The following ITPRID1 variants were observed in gnomAD, a reference collection of about 807,000 sequenced individuals.
ITPRID1 encodes the protein ITPR interacting domain containing 1.
A neutral mutation model predicts 95.4 loss-of-function variants in ITPRID1; 96 were observed. The observed-to-expected ratio is 1.01, with a 90% CI of 0.85 to 1.19. The LOEUF is 1.19. Ranked by LOEUF, ITPRID1 falls within the 50% of genes most tolerant of loss-of-function variation. ITPRID1 has a pLI of 0.00. For missense variants in ITPRID1, 1,339 were observed against 1,252.9 expected, an observed-to-expected ratio of 1.07 and a Z score of -1.04; for synonymous variants, 510 against 453.6, an observed-to-expected ratio of 1.12 and a Z score of -1.58.
intron 10 of ITPRID1, among the ~76,000 whole-genome samples, chr7:31,615,613 A>ATTCT (rs551411856): frequency 6.6e-6 from 1 of 152,092 alleles, no homozygotes. Flanking sequence ...TAAAATGGAG[A>ATTCT]TTCTTTGAGT....
At chr7:31,614,705 G>T (rs746956713) in intron 10 of ITPRID1, among the ~76,000 whole-genome samples, 2 of 147,400 alleles carry the variant, frequency 1.4e-5, no homozygotes, top group Non-Finnish European at 3.0e-5. Context: ...AGTGTAGAGC[G>T]TTGTGGCACA....
intron 10 of ITPRID1, among the ~76,000 whole-genome samples, chr7:31,585,833 TC>T (rs1178471649): frequency 1.3e-5 from 2 of 151,868 alleles, no homozygotes; most frequent in African/African-American, 4.8e-5. Context: ...GCATGACAAA[TC>T]TTTTTTTTTT....
At chr7:31,516,235 T>G (rs759912521) in intron 1 of ITPRID1, among the ~76,000 whole-genome samples, 5 of 152,208 alleles carry the variant, frequency 3.3e-5, no homozygotes, top group African/African-American at 4.8e-5. Context: ...GGATGTCTTA[T>G]TGCACATTTA....
intron 9 of ITPRID1, among the ~76,000 whole-genome samples, chr7:31,581,542 C>T (rs1291507894): frequency 6.6e-6 from 1 of 152,142 alleles, no homozygotes. Context: ...CTAGAAGTCA[C>T]ATGTGAGAAC....
At chr7:31,568,663 C>G (rs1160779761) in intron 5 of ITPRID1, among the ~76,000 whole-genome samples, 4 of 152,164 alleles carry the variant, frequency 2.6e-5, no homozygotes, top group African/African-American at 4.8e-5. Context: ...CTGAATAAGC[C>G]TCTCTGATAA....
rs568402288 is a variant in ITPRID1, at chr7:31,619,869, C to G, written c.1229-22307C>G. Among the ~76,000 whole-genome samples, 813 of 152,290 alleles carry G rather than the reference C, an allele frequency of 5.3e-3. 9 individuals carry two copies. Among genetic ancestry groups the G allele is most frequent in the African/African-American group, 0.019 (787 of 41,580 alleles). ...CTTTCCTAGTCAAAGAAAGGGGTGA[C>G]AGATGGCACCTGGAAAATCGGGTCA... On this transcript the variant is annotated intron_variant, in intron 10 of 14. Coordinates refer to ENST00000615280, the MANE Select transcript of ITPRID1 (RefSeq NM_001257967.3).
At chr7:31,616,091 C>G (rs571345957) in intron 10 of ITPRID1, among the ~76,000 whole-genome samples, 1 of 151,724 alleles carries the variant, frequency 6.6e-6, no homozygotes, top group South Asian at 2.1e-4. Context: ...GGTCTAGCTG[C>G]TATGCAATGC....
intron 5 of ITPRID1, among the ~76,000 whole-genome samples, chr7:31,559,344 A>AT: frequency 6.6e-6 from 1 of 151,986 alleles, no homozygotes; most frequent in Non-Finnish European, 1.5e-5. Context: ...TGCTCTACTT[A>AT]TTGCAGAATT....
chr7:31,619,339 G>A (rs1787576368), intron 10 of ITPRID1, among the ~76,000 whole-genome samples: 1 of 152,146 alleles, frequency 6.6e-6, no homozygotes, highest in Admixed American at 6.5e-5. Flanking sequence ...TGCCAACAAT[G>A]ATTGGTGACA....
At chr7:31,636,548 G>A (rs1189196374) in intron 10 of ITPRID1, among the ~76,000 whole-genome samples, 1 of 151,988 alleles carries the variant, frequency 6.6e-6, no homozygotes, top group African/African-American at 2.4e-5. Context: ...CTTTTACCAA[G>A]GCTCAACCTC....
intron 5 of ITPRID1, among the ~76,000 whole-genome samples, chr7:31,566,654 T>C (rs1425504440): frequency 6.6e-6 from 1 of 152,228 alleles, no homozygotes; most frequent in Non-Finnish European, 1.5e-5. Flanking sequence ...CAACTTATTA[T>C]TTAATTCATT....
intron 13 of ITPRID1, 125 bp from the exon 14 acceptor site, chr7:31,651,814 A>G (rs1790983670): frequency 1.5e-6 from 1 of 666,076 alleles, no homozygotes. Flanking sequence ...TCCAGCTGAC[A>G]CAAATAAAGA....
intron 10 of ITPRID1, among the ~76,000 whole-genome samples, chr7:31,641,392 C>T (rs1376672503): frequency 6.6e-6 from 1 of 152,094 alleles, no homozygotes; most frequent in Non-Finnish European, 1.5e-5. Context: ...CTAAGGAGGC[C>T]ACCTTGCAAC....
intron 10 of ITPRID1, among the ~76,000 whole-genome samples, chr7:31,618,752 A>T (rs1787511402): frequency 6.6e-6 from 1 of 152,210 alleles, no homozygotes; most frequent in African/African-American, 2.4e-5. Flanking sequence ...GCTCAAGTTC[A>T]CCCAGCTGGC....
chr7:31,612,678 G>C (rs1786930200), intron 10 of ITPRID1, among the ~76,000 whole-genome samples: 1 of 152,026 alleles, frequency 6.6e-6, no homozygotes, highest in African/African-American at 2.4e-5. Flanking sequence ...GAAGGTCTCT[G>C]TGTTTTTGTT....
At chr7:31,600,655 G>A (rs1263151411) in intron 10 of ITPRID1, among the ~76,000 whole-genome samples, 3 of 152,198 alleles carry the variant, frequency 2.0e-5, no homozygotes, top group African/African-American at 7.2e-5. Flanking sequence ...GCCTGCATGC[G>A]CAGAGCCTTC....
chr7:31,652,415 A>G, intron 14 of ITPRID1, 103 bp from the exon 15 acceptor site: 2 of 1,461,362 alleles, frequency 1.4e-6, no homozygotes, highest in Non-Finnish European at 1.8e-6. Flanking sequence ...AGCCCATTCT[A>G]GAGAATCGAC....
At chr7:31,564,552 C>T (rs1784731656) in intron 5 of ITPRID1, among the ~76,000 whole-genome samples, 3 of 152,014 alleles carry the variant, frequency 2.0e-5, no homozygotes, top group African/African-American at 7.2e-5. Context: ...TTGAGGAAGA[C>T]CCTAGCGAGC....
Position 31,550,843 on chromosome 7 carries a change from T to C in ITPRID1, c.-24+1344T>C, listed in dbSNP as rs1474212093. On this transcript the variant is annotated intron_variant, in intron 2 of 14. Transcript: ENST00000615280. ...TATGCCATTCATTATAAGATGGAAG[T>C]TTGGGGACGTACAAATAAAGCAGCA... Among the ~76,000 whole-genome samples the C allele has an allele frequency of 1.4e-5, 2 of 142,626 alleles. 1 individual carries two copies. Among genetic ancestry groups the C allele is most frequent in the Non-Finnish European group, 3.2e-5 (2 of 63,342 alleles). The allele number at this position is 142,626 out of a possible 152,430, so 93.6% of individuals were successfully genotyped here.
Sources: gnomAD v4.1 joint callset for allele counts (sites outside exome capture counted in the v4.1 genomes callset) on GRCh38, gnomAD v4.1.1 for gene constraint, MANE v1.5 for transcripts, NCBI Gene and HGNC (gene_info 2026-07-23, HGNC 2026-07-21) for gene names.